TAFA5: variants seen among roughly 807,000 people sequenced by gnomAD.
The protein encoded by TAFA5 is chemokine-like protein TAFA-5.
In TAFA5, 6 loss-of-function variants were observed where a neutral mutation model predicts 15.3. The observed-to-expected ratio is 0.39, with a 90% CI of 0.21 to 0.77. The LOEUF is 0.77. TAFA5 is among the 30% of genes least tolerant of loss of function. TAFA5 has a pLI of 0.41. For synonymous variants in TAFA5, 103 were observed against 80.7 expected (o/e 1.28, Z -1.48); for missense variants, 161 against 193.1 (o/e 0.83, Z 0.98).
chr22:48,587,803 G>A (rs891168783), intron 1 of TAFA5, among the ~76,000 whole-genome samples: 59 of 152,332 alleles, frequency 3.9e-4, no homozygotes, highest in Admixed American at 2.0e-4. Flanking sequence ...CTCCTTTTGC[G>A]TTTTAAAAAT....
At chr22:48,619,593 A>T (rs1925732553) in intron 1 of TAFA5, among the ~76,000 whole-genome samples, 1 of 152,136 alleles carries the variant, frequency 6.6e-6, no homozygotes, top group South Asian at 2.1e-4. Context: ...TGACCTCATG[A>T]TCTGCCCACT....
chr22:48,646,841 C>G lies in TAFA5; in HGVS notation c.262+95C>G, dbSNP rs973339810. 6.4e-5 allele frequency: 92 copies of G among 1,426,562 alleles called. 1 individual carries two copies. In the African/African-American group the frequency reaches 1.1e-3, roughly 17 times the overall value. 88.4% of individuals were successfully genotyped at this position (1,426,562 alleles called of 1,614,324 possible). ...ACGCGGCCCCTTACCTGAAGGTCCC[C>G]CTAGGCCTCAGCGCATCCTCGGGTC... On this transcript the variant is annotated intron_variant, in intron 2 of 3. Transcript: ENST00000402357.
At chr22:48,601,436 C>T (rs369832514) in intron 1 of TAFA5, among the ~76,000 whole-genome samples, 11 of 152,180 alleles carry the variant, frequency 7.2e-5, no homozygotes, top group Admixed American at 7.2e-4. Flanking sequence ...AAGCGATTCT[C>T]CTGCTTCAGC....
intron 1 of TAFA5, among the ~76,000 whole-genome samples, chr22:48,557,368 C>T (rs961840183): frequency 9.2e-5 from 14 of 152,218 alleles, no homozygotes; most frequent in East Asian, 3.9e-4. Context: ...CTGAGGAGGG[C>T]GGCGCCGGGA....
intron 3 of TAFA5, among the ~76,000 whole-genome samples, chr22:48,717,205 G>A (rs758213389): frequency 6.6e-6 from 1 of 152,214 alleles, no homozygotes; most frequent in Non-Finnish European, 1.5e-5. Context: ...CAGCAGCGTC[G>A]TCGGGTTCTC....
chr22:48,505,472 G>T (rs980276127), intron 1 of TAFA5, among the ~76,000 whole-genome samples: 2 of 152,198 alleles, frequency 1.3e-5, no homozygotes, highest in Non-Finnish European at 2.9e-5. Context: ...TGTCTTACCT[G>T]AGTGTGCCAG....
chr22:48,537,964 T>A (rs1472469322), intron 1 of TAFA5, among the ~76,000 whole-genome samples: 3 of 152,146 alleles, frequency 2.0e-5, no homozygotes, highest in Non-Finnish European at 4.4e-5. Context: ...GGCGTGGGGA[T>A]GCCATGGATC....
intron 2 of TAFA5, among the ~76,000 whole-genome samples, chr22:48,687,771 T>C (rs894783862): frequency 1.3e-5 from 2 of 152,150 alleles, no homozygotes; most frequent in African/African-American, 4.8e-5. Flanking sequence ...GCCCCACCTC[T>C]GAGGGGGGAA....
chr22:48,533,752 T>C (rs895471856), intron 1 of TAFA5, among the ~76,000 whole-genome samples: 1 of 146,772 alleles, frequency 6.8e-6, no homozygotes, highest in Non-Finnish European at 1.5e-5. Flanking sequence ...GAGAAGGACA[T>C]TTTCACATTT....
At chr22:48,653,055 G>A (rs751231836) in intron 2 of TAFA5, among the ~76,000 whole-genome samples, 1 of 152,234 alleles carries the variant, frequency 6.6e-6, no homozygotes, top group Non-Finnish European at 1.5e-5. Flanking sequence ...TCACGCGACC[G>A]TGGTGGGGCT....
intron 3 of TAFA5, among the ~76,000 whole-genome samples, chr22:48,719,168 C>T (rs1355478571): frequency 1.3e-5 from 2 of 152,214 alleles, no homozygotes; most frequent in African/African-American, 4.8e-5. Context: ...GGCCTGCACA[C>T]ACCCGCAGGG....
chr22:48,600,591 C>T (rs972432269), intron 1 of TAFA5, among the ~76,000 whole-genome samples: 6 of 152,228 alleles, frequency 3.9e-5, no homozygotes, highest in East Asian at 1.9e-4. Context: ...TCTTCGTTGG[C>T]GACACACGTG....
intron 1 of TAFA5, among the ~76,000 whole-genome samples, chr22:48,608,328 C>T (rs1343766234): frequency 1.3e-5 from 2 of 152,246 alleles, no homozygotes; most frequent in African/African-American, 4.8e-5. Context: ...ACGATACCTC[C>T]TTCCAGTCCT....
intron 2 of TAFA5, among the ~76,000 whole-genome samples, chr22:48,676,948 A>G (rs1208950976): frequency 6.6e-6 from 1 of 152,166 alleles, no homozygotes; most frequent in Non-Finnish European, 1.5e-5. Context: ...TTGAGCTGTC[A>G]TTACCACTGG....
chr22:48,678,837 C>T (rs1928062511), intron 2 of TAFA5, among the ~76,000 whole-genome samples: 1 of 151,790 alleles, frequency 6.6e-6, no homozygotes. Flanking sequence ...AAACTTCTCA[C>T]ATGTTGGAAG....
At chr22:48,728,369 C>G (rs1471362737) in intron 3 of TAFA5, among the ~76,000 whole-genome samples, 1 of 152,244 alleles carries the variant, frequency 6.6e-6, no homozygotes, top group African/African-American at 2.4e-5. Context: ...CATGCAATGT[C>G]TGAAGTCCAT....
chr22:48,736,934 G>A (rs1930046383), intron 3 of TAFA5, among the ~76,000 whole-genome samples: 1 of 149,340 alleles, frequency 6.7e-6, no homozygotes. Context: ...GGGAATTGAT[G>A]CTTTAAGTGG....
At chr22:48,509,209 G>A (rs1357759482) in intron 1 of TAFA5, among the ~76,000 whole-genome samples, 1 of 152,142 alleles carries the variant, frequency 6.6e-6, no homozygotes, top group African/African-American at 2.4e-5. Flanking sequence ...CCAGGCGCCT[G>A]CTGATGGACA....
chr22:48,542,307 AGTGTGTATGTGTGTGTGAT>A (rs1922430659), intron 1 of TAFA5, among the ~76,000 whole-genome samples: 4 of 49,304 alleles, frequency 8.1e-5, no homozygotes, highest in Non-Finnish European at 1.6e-4. Context: ...ATGTGTGTGT[AGTGTGTATGTGTGTGTGAT>A]GTGTGTGGTG....
Sources: gnomAD v4.1 joint callset for allele counts (sites outside exome capture counted in the v4.1 genomes callset) on GRCh38, gnomAD v4.1.1 for gene constraint, MANE v1.5 for transcripts, NCBI Gene and HGNC (gene_info 2026-07-23, HGNC 2026-07-21) for gene names.